Variants in AKIRIN2 observed in about 807,000 individuals in gnomAD.
AKIRIN2 encodes akirin 2.
In AKIRIN2, 6 loss-of-function variants were observed where a neutral mutation model predicts 29.3. The ratio of observed to expected loss-of-function variants is 0.20; its 90% CI spans 0.11 to 0.40. The LOEUF is 0.40. AKIRIN2 is among the 10% of genes least tolerant of loss of function. The probability of loss-of-function intolerance (pLI) is 1.00; values close to 1 mark genes in which losing one functional copy is unlikely to be tolerated. For missense variants in AKIRIN2, 210 were observed against 276.1 expected (o/e 0.76, Z 1.70); for synonymous variants, 128 against 117.5 (o/e 1.09, Z -0.58).
intron 1 of AKIRIN2, among the ~76,000 whole-genome samples, chr6:87,689,404 G>A (rs1311342547): frequency 2.6e-5 from 4 of 152,100 alleles, no homozygotes; most frequent in African/African-American, 4.8e-5. Context: ...CTTAAACCTC[G>A]GAGGCAGAGG....
intron 1 of AKIRIN2, among the ~76,000 whole-genome samples, chr6:87,685,533 C>A (rs1771173914): frequency 6.6e-6 from 1 of 152,164 alleles, no homozygotes. Flanking sequence ...CTTGCCAACA[C>A]AATTTACAGT....
intron 1 of AKIRIN2, among the ~76,000 whole-genome samples, chr6:87,691,124 G>A (rs554331959): frequency 1.3e-5 from 2 of 152,164 alleles, no homozygotes; most frequent in East Asian, 1.9e-4. Flanking sequence ...GTGGTGGAGC[G>A]AAGGCTACCA....
rs1048952905 is a variant in AKIRIN2, at chr6:87,696,716, A to G, written c.235+4734T>C. Among the ~76,000 whole-genome samples, 5 of 147,586 alleles carry G rather than the reference A, an allele frequency of 3.4e-5. No individual in the cohort carries two copies. The East Asian group carries it at 9.8e-4, about 29-fold the overall frequency. ...ACTCCATCCAAAAAAAAAAAAAAAA[A>G]AGCCAGGGAGGCCAGGCGCGGTGGC... On this transcript the variant is annotated intron_variant, in intron 1 of 4. Transcript: ENST00000257787.
intron 1 of AKIRIN2, among the ~76,000 whole-genome samples, chr6:87,697,461 T>C (rs1771389200): frequency 1.3e-5 from 2 of 152,146 alleles, no homozygotes; most frequent in African/African-American, 4.8e-5. Context: ...GGTTTAAGAC[T>C]CAAAGTACAA....
chr6:87,685,283 A>G (rs116776268), intron 1 of AKIRIN2, among the ~76,000 whole-genome samples: 1 of 152,198 alleles, frequency 6.6e-6, no homozygotes, highest in Non-Finnish European at 1.5e-5. Context: ...CAGGGATATA[A>G]ACAGTCTTGA....
chr6:87,681,175 C>T (rs896804785), intron 2 of AKIRIN2, among the ~76,000 whole-genome samples: 2 of 152,080 alleles, frequency 1.3e-5, no homozygotes, highest in African/African-American at 4.8e-5. Flanking sequence ...GGGGCTGGGA[C>T]TACAGGCGCG....
In AKIRIN2 at chr6:87,678,917, C is replaced by A. The variant is rs543028612; in HGVS notation, c.380-950G>T. The stretch of plus-strand genomic sequence containing the variant: ...TTGGGAGGCCGAGGCAGGCGGATCA[C>A]CTGAGGTCAGAAGTTCAAGACCAGC... On this transcript the variant is annotated intron_variant, in intron 2 of 4. Coordinates refer to ENST00000257787, the MANE Select transcript of AKIRIN2 (RefSeq NM_018064.4). 9.1e-4 allele frequency among the ~76,000 whole-genome samples: 138 copies of A among 152,266 alleles called. No homozygotes were observed. The South Asian group carries it at 9.1e-3, about 10-fold the overall frequency.
At chr6:87,697,244 T>C (rs1562401358) in intron 1 of AKIRIN2, among the ~76,000 whole-genome samples, 1 of 147,358 alleles carries the variant, frequency 6.8e-6, no homozygotes, top group East Asian at 2.0e-4. Flanking sequence ...ACCCAGGAGA[T>C]GGAGGTTGCA....
intron 1 of AKIRIN2, among the ~76,000 whole-genome samples, chr6:87,699,660 T>C (rs1771426153): frequency 6.6e-6 from 1 of 152,174 alleles, no homozygotes; most frequent in South Asian, 2.1e-4. Context: ...TAATTTAAAC[T>C]TGAGATAATG....
At chr6:87,679,048 TC>T (rs1012801111) in intron 2 of AKIRIN2, among the ~76,000 whole-genome samples, 9 of 148,954 alleles carry the variant, frequency 6.0e-5, no homozygotes, top group African/African-American at 2.2e-4. Context: ...GGCAGGAGAA[TC>T]GCTTGAACAC....
intron 1 of AKIRIN2, among the ~76,000 whole-genome samples, chr6:87,688,986 G>A (rs1295834752): frequency 1.3e-5 from 2 of 152,172 alleles, no homozygotes; most frequent in Non-Finnish European, 2.9e-5. Context: ...CCAGTGAAAT[G>A]AAAGAATTTG....
At chr6:87,687,052 A>T (rs1285985835) in intron 1 of AKIRIN2, among the ~76,000 whole-genome samples, 1 of 151,160 alleles carries the variant, frequency 6.6e-6, no homozygotes, top group African/African-American at 2.4e-5. Context: ...CTCAAAAAAA[A>T]AAAAAAAAAA....
At position 87,681,685 on chromosome 6, in the gene AKIRIN2, G is replaced by A. The variant is rs1771125043; in HGVS notation, c.314C>T (p.Thr105Ile). ...RRHLETSFQQTDPCCTSDAQP... is the reference protein window; with the variant it reads ...RRHLETSFQQIDPCCTSDAQP... Reference sequence around the variant, plus strand: ...TGCATCAGAAGTACAACACGGATCTGTCTGTTGGAAACTCGTTTCTAAATG... The same window carrying A: ...TGCATCAGAAGTACAACACGGATCTATCTGTTGGAAACTCGTTTCTAAATG... Residue 105 changes from threonine to isoleucine, a missense_variant, in exon 2 of 5, where the codon ACA (threonine) becomes ATA (isoleucine). By Grantham distance (89) the Thr-to-Ile change is moderately conservative. This residue lies in a region of AKIRIN2 where 199 missense variants were observed against 236.5 expected (regional missense o/e 0.84). Transcript: ENST00000257787. The A allele has an allele frequency of 1.2e-6, 2 of 1,613,576 alleles. No homozygotes were observed. The highest frequency in any genetic ancestry group is 3.3e-5 in the Admixed American group (2 of 59,968).
In AKIRIN2 at chr6:87,677,933, T is replaced by G. The variant is rs1771050697; in HGVS notation, c.414A>C (p.Lys138Asn). The G allele has an allele frequency of 6.2e-7, 1 of 1,613,614 alleles. No individual in the cohort carries two copies. The highest frequency in any genetic ancestry group is 1.7e-5 in the Admixed American group (1 of 59,968). The change falls in exon 3 of 5, where the codon AAA (lysine) becomes AAC (asparagine). Residue 138 changes from lysine (K) to asparagine (N), a missense_variant. Around this residue, in one of 2 missense-constraint regions of AKIRIN2, gnomAD observed 199 missense variants for 236.5 expected, o/e 0.84. Transcript: ENST00000257787. ...GCCGTAGAGTAAATAAGGGCTGTTC[T>G]TTTTTTAATGGTGAGGATGCTGCAG... ...TSSAASSPLKKEQPLFTLRQV... is the reference protein window; with the variant it reads ...TSSAASSPLKNEQPLFTLRQV...
chr6:87,695,960 T>C (rs1771353335), intron 1 of AKIRIN2, among the ~76,000 whole-genome samples: 1 of 151,384 alleles, frequency 6.6e-6, no homozygotes, highest in South Asian at 2.1e-4. Context: ...GGCAGATTGC[T>C]TGAGCCCCAG....
At chr6:87,679,390 G>A (rs1274704100) in intron 2 of AKIRIN2, among the ~76,000 whole-genome samples, 1 of 146,072 alleles carries the variant, frequency 6.8e-6, no homozygotes, top group Non-Finnish European at 1.5e-5. Flanking sequence ...TGGGAGTGGT[G>A]GCACGTGCCT....
chr6:87,691,001 A>G (rs969398677), intron 1 of AKIRIN2, among the ~76,000 whole-genome samples: 1 of 152,064 alleles, frequency 6.6e-6, no homozygotes, highest in African/African-American at 2.4e-5. Context: ...CACCTCTCAC[A>G]CCATAAGACA....
chr6:87,692,868 T>TAG (rs142186230), intron 1 of AKIRIN2, among the ~76,000 whole-genome samples: 4,777 of 152,204 alleles, frequency 0.031, 251 homozygotes, highest in African/African-American at 0.11. Context: ...GGAGTTAGAA[T>TAG]AGACATCAGT....
chr6:87,701,517 G>C lies in AKIRIN2; in HGVS notation c.168C>G (p.Ala56=), dbSNP rs1476533755. The C allele has an allele frequency of 1.4e-6, 2 of 1,451,598 alleles. No homozygotes were observed. Among genetic ancestry groups the C allele is most frequent in the South Asian group, 1.4e-5 (1 of 73,264 alleles). 89.9% of individuals were successfully genotyped at this position (1,451,598 alleles called of 1,614,324 possible). ...ATAASFSAAA[A]SPQKYLRMEP... is the part of the protein sequence containing the mutation. ...CCATTCGGAGATACTTCTGCGGCGA[G>C]GCGGCCGCAGCGGAGAAGGAGGCGG... The change falls in exon 1 of 5, where the codon GCC becomes GCG. Residue 56 remains alanine (A), a synonymous_variant. Coordinates refer to ENST00000257787, the MANE Select transcript of AKIRIN2 (RefSeq NM_018064.4).
Sources: gnomAD v4.1 joint callset for allele counts (sites outside exome capture counted in the v4.1 genomes callset) on GRCh38, gnomAD v4.1.1 for gene constraint, gnomAD v4.1.1 regional missense constraint, MANE v1.5 for transcripts, NCBI Gene and HGNC (gene_info 2026-07-23, HGNC 2026-07-21) for gene names.